The following PTPRM variants were observed in gnomAD, a reference collection of about 807,000 sequenced individuals.
PTPRM encodes the protein protein tyrosine phosphatase receptor type M.
A neutral mutation model predicts 186.7 loss-of-function variants in PTPRM; 47 were observed. The ratio of observed to expected loss-of-function variants is 0.25; its 90% CI spans 0.20 to 0.32. The LOEUF (loss-of-function observed/expected upper bound fraction) is 0.32, where lower values mean the gene tolerates loss of function less well. Among genes scored for constraint, PTPRM ranks in the 10% least tolerant of loss-of-function variants. PTPRM has a pLI of 1.00. For missense variants in PTPRM, 1,494 were observed against 1,865.0 expected (o/e 0.80, Z 3.66); for synonymous variants, 668 against 674.9 (o/e 0.99, Z 0.16).
At chr18:8,380,560 G>A in intron 29 of PTPRM, 133 bp downstream of exon 29, 1 of 1,077,394 alleles carries the variant, frequency 9.3e-7, no homozygotes, top group Non-Finnish European at 1.4e-6. Context: ...TGAGAACTGG[G>A]GATGCTGAAC....
chr18:7,709,573 T>C (rs549949087), intron 1 of PTPRM, among the ~76,000 whole-genome samples: 2 of 151,718 alleles, frequency 1.3e-5, no homozygotes, highest in East Asian at 3.9e-4. Context: ...CAGAACTAAA[T>C]AAAATTGAAA....
chr18:8,207,803 T>TC (rs1287060471), intron 14 of PTPRM, among the ~76,000 whole-genome samples: 1 of 152,066 alleles, frequency 6.6e-6, no homozygotes, highest in African/African-American at 2.4e-5. Flanking sequence ...TAGAGTGGAG[T>TC]CCCAAAGAGA....
chr18:7,991,035 T>A (rs2083241650), intron 7 of PTPRM, among the ~76,000 whole-genome samples: 1 of 152,214 alleles, frequency 6.6e-6, no homozygotes, highest in Admixed American at 6.5e-5. Flanking sequence ...AATCAGTGAA[T>A]TTGTATTCTT....
intron 7 of PTPRM, among the ~76,000 whole-genome samples, chr18:7,956,299 A>C (rs2053306468): frequency 6.6e-6 from 1 of 152,242 alleles, no homozygotes; most frequent in South Asian, 2.1e-4. Flanking sequence ...TTAAGTTTTA[A>C]AAATGCTTAG....
At chr18:7,825,670 G>A (rs1469577426) in intron 2 of PTPRM, among the ~76,000 whole-genome samples, 1 of 152,064 alleles carries the variant, frequency 6.6e-6, no homozygotes, top group Non-Finnish European at 1.5e-5. Flanking sequence ...TGACATACAA[G>A]CCCCGAGGCT....
Position 8,253,276 on chromosome 18 carries a change from T to A in PTPRM, c.2616T>A (p.His872Gln). The change falls in exon 19 of 33, where the codon CAT becomes CAA. Residue 872 changes from histidine to glutamine, a missense_variant. Transcript: ENST00000580170. ...ATACCAGCAGCCTGGTGCAGTCCCA[T>A]ACTTACAAGAAGCGAGAGCCGGCCG... is the stretch of plus-strand genomic sequence containing the variant. The part of the protein sequence containing the change: ...ASDTSSLVQS[H>Q]TYKKREPADV... 1 of 1,592,238 alleles carries A rather than the reference T, an allele frequency of 6.3e-7. No homozygotes were observed. The highest frequency in any genetic ancestry group is 8.6e-7 in the Non-Finnish European group (1 of 1,169,366).
chr18:8,285,799 C>T (rs2094950605), intron 19 of PTPRM, among the ~76,000 whole-genome samples: 1 of 152,122 alleles, frequency 6.6e-6, no homozygotes, highest in African/African-American at 2.4e-5. Flanking sequence ...CGAGACCAGC[C>T]TGGGCAACAT....
At chr18:7,786,302 T>G (rs185490836) in intron 2 of PTPRM, among the ~76,000 whole-genome samples, 27 of 152,306 alleles carry the variant, frequency 1.8e-4, no homozygotes, top group African/African-American at 4.8e-4. Flanking sequence ...AGTGTCTAAT[T>G]GGATATGTGG....
intron 7 of PTPRM, among the ~76,000 whole-genome samples, chr18:8,045,455 A>G (rs149958502): frequency 2.4e-4 from 36 of 152,362 alleles, no homozygotes; most frequent in African/African-American, 8.7e-4. Flanking sequence ...AAAACGTCGT[A>G]TGTCTACCCG....
At chr18:8,144,920 G>A (rs1203607381) in intron 14 of PTPRM, among the ~76,000 whole-genome samples, 3 of 152,152 alleles carry the variant, frequency 2.0e-5, no homozygotes, top group Non-Finnish European at 4.4e-5. Context: ...GATGGGAGAA[G>A]GTAAAGGTGG....
chr18:8,098,697 A>AT (rs1446664071), intron 11 of PTPRM, among the ~76,000 whole-genome samples: 4 of 152,086 alleles, frequency 2.6e-5, no homozygotes, highest in African/African-American at 9.7e-5. Context: ...GGTCACTCCA[A>AT]TTTGCAGGCT....
intron 7 of PTPRM, among the ~76,000 whole-genome samples, chr18:7,961,978 C>T (rs1409434763): frequency 1.5e-5 from 2 of 135,218 alleles, no homozygotes; most frequent in Admixed American, 8.0e-5. Context: ...GCTTTGATAA[C>T]ATGCAGTAAT....
chr18:8,359,953 T>C (rs2095586834), intron 23 of PTPRM, among the ~76,000 whole-genome samples: 1 of 152,230 alleles, frequency 6.6e-6, no homozygotes, highest in African/African-American at 2.4e-5. Context: ...GATTCTTTTC[T>C]CCTTTCTCTA....
intron 2 of PTPRM, among the ~76,000 whole-genome samples, chr18:7,859,244 T>A (rs1291130140): frequency 6.6e-6 from 1 of 152,206 alleles, no homozygotes. Context: ...TTAATGTATA[T>A]GTTGTGCTGG....
chr18:7,744,473 G>C (rs2040945171), intron 1 of PTPRM, among the ~76,000 whole-genome samples: 1 of 152,144 alleles, frequency 6.6e-6, no homozygotes, highest in Non-Finnish European at 1.5e-5. Flanking sequence ...AACCTACCCA[G>C]CACTCTCAGT....
In PTPRM at chr18:7,897,461, G is replaced by A. The variant is rs1599363060; in HGVS notation, c.469-9044G>A. ...CACTCTCTCTCAAGCAGGAAAGCTA[G>A]TCTAGTAGGTGCCGCAATACTCTGC... On this transcript the variant is annotated intron_variant, in intron 3 of 32. Coordinates refer to ENST00000580170, the MANE Select transcript of PTPRM (RefSeq NM_001105244.2). Among the ~76,000 whole-genome samples, 4 of 152,286 alleles carry A rather than the reference G, an allele frequency of 2.6e-5. No homozygotes were observed. In the South Asian group the frequency reaches 8.3e-4, roughly 32 times the overall value.
intron 22 of PTPRM, among the ~76,000 whole-genome samples, chr18:8,328,085 T>C (rs1472912551): frequency 2.0e-5 from 3 of 152,256 alleles, no homozygotes; most frequent in Non-Finnish European, 1.5e-5. Flanking sequence ...TGTCAGTTTG[T>C]TTTTCTTCTA....
At chr18:7,837,854 T>C (rs1188554422) in intron 2 of PTPRM, among the ~76,000 whole-genome samples, 2 of 152,194 alleles carry the variant, frequency 1.3e-5, no homozygotes, top group African/African-American at 4.8e-5. Context: ...TTGATACTTG[T>C]AGACGCTCAT....
chr18:8,261,629 G>T (rs1568622940), intron 19 of PTPRM, among the ~76,000 whole-genome samples: 1 of 152,060 alleles, frequency 6.6e-6, no homozygotes, highest in Non-Finnish European at 1.5e-5. Flanking sequence ...CCTGCTTTCG[G>T]GGCCTCTTTC....
Sources: allele counts gnomAD v4.1 joint callset (sites outside exome capture counted in the v4.1 genomes callset), GRCh38; gene constraint gnomAD v4.1.1; transcripts MANE v1.5; gene names NCBI Gene and HGNC (gene_info 2026-07-23, HGNC 2026-07-21).